CHAT: variants seen among roughly 807,000 people sequenced by gnomAD.
CHAT encodes the protein choline O-acetyltransferase, also known as acetyl CoA:choline O-acetyltransferase.
In CHAT, 61 loss-of-function variants were observed where a neutral mutation model predicts 76.9. The observed-to-expected ratio is 0.79, with a 90% CI of 0.65 to 0.98. CHAT has a LOEUF of 0.98. CHAT is among the 50% of genes least tolerant of loss of function. The pLI is 0.00. For synonymous variants in CHAT, 407 were observed against 397.4 expected (o/e 1.02, Z -0.29); for missense variants, 946 against 986.9 (o/e 0.96, Z 0.56).
At chr10:49,647,011 T>C in intron 8 of CHAT, 1 of 413,628 alleles carries the variant, frequency 2.4e-6, no homozygotes, top group Non-Finnish European at 4.5e-6. Flanking sequence ...ACCTGTGAGG[T>C]GGGGGTGTGC....
At chr10:49,644,481 G>A (rs7903612) in intron 7 of CHAT, among the ~76,000 whole-genome samples, 1 of 152,048 alleles carries the variant, frequency 6.6e-6, no homozygotes, top group African/African-American at 2.4e-5. Flanking sequence ...GATCCTCAGG[G>A]CATGGCCGGA....
intron 5 of CHAT, among the ~76,000 whole-genome samples, chr10:49,622,405 A>C (rs890709900): frequency 2.5e-4 from 38 of 152,170 alleles, no homozygotes; most frequent in African/African-American, 9.2e-4. Context: ...CCCTCCACAC[A>C]TACGTGCACA....
intron 2 of CHAT, among the ~76,000 whole-genome samples, chr10:49,619,164 C>T (rs575297412): frequency 6.6e-6 from 1 of 152,312 alleles, no homozygotes; most frequent in East Asian, 1.9e-4. Flanking sequence ...ATCTTTTATC[C>T]TTCCAAATCT....
upstream of CHAT, chr10:49,611,068 G>A (rs568658869): frequency 3.1e-6 from 5 of 1,614,080 alleles, no homozygotes; most frequent in East Asian, 8.9e-5. Flanking sequence ...AGCGGGCTCA[G>A]CCCTTCGGCC....
chr10:49,622,148 C>T lies in CHAT; in HGVS notation c.750C>T (p.Asp250=). 6.2e-7 allele frequency: 1 copy of T among 1,613,860 alleles called. No homozygotes were observed. The highest frequency in any genetic ancestry group is 1.7e-5 in the Admixed American group (1 of 60,012). The part of the protein sequence containing the change: ...SGVLSYKALL[D]SHSIPTDCAK... ...TACTCAGCTACAAGGCCCTGCTGGACAGGTAGGACTGGGAGGGTGGTGCCC... is the reference window on the plus strand; with the variant it reads ...TACTCAGCTACAAGGCCCTGCTGGATAGGTAGGACTGGGAGGGTGGTGCCC... The change falls in exon 5 of 15, where the codon GAC becomes GAT. Residue 250 remains aspartate (D), a splice_region_variant and synonymous_variant. Coordinates refer to ENST00000337653, the MANE Select transcript of CHAT (RefSeq NM_020549.5).
rs1590554659 is a variant in CHAT, at chr10:49,616,192, CAGCA to C, written c.287-308_287-305del. The C allele has an allele frequency of 3.3e-6, 4 of 1,204,546 alleles. No individual in the cohort carries two copies. In the East Asian group the frequency reaches 9.3e-5, roughly 28 times the overall value. 74.6% of individuals were successfully genotyped at this position (1,204,546 alleles called of 1,614,324 possible). A position where few individuals can be genotyped will look rare whatever the true frequency, so the allele number is the denominator to read the frequency against. ...GGCAGGAACAAAGGCAGCACTCTGC[CAGCA>C]ACCCCTGGTGGATTTGGATTGCCCC... On this transcript the variant is annotated intron_variant, in intron 1 of 14. Coordinates refer to ENST00000337653, the MANE Select transcript of CHAT (RefSeq NM_020549.5).
intron 2 of CHAT, among the ~76,000 whole-genome samples, chr10:49,618,044 G>C (rs1838563596): frequency 6.6e-6 from 1 of 152,202 alleles, no homozygotes; most frequent in South Asian, 2.1e-4. Context: ...CTGTCTCATG[G>C]AAACTCATCA....
rs1413727498 is a variant in CHAT, at chr10:49,616,190, G to GA, written c.287-312_287-311insA. On this transcript the variant is annotated intron_variant, in intron 1 of 14. Transcript: ENST00000337653. The stretch of plus-strand genomic sequence containing the variant: ...CAGGCAGGAACAAAGGCAGCACTCT[G>GA]CCAGCAACCCCTGGTGGATTTGGAT... The GA allele has an allele frequency of 3.3e-6, 4 of 1,215,982 alleles. No homozygotes were observed. In the East Asian group the frequency reaches 9.3e-5, roughly 28 times the overall value. 75.3% of individuals were successfully genotyped at this position (1,215,982 alleles called of 1,614,324 possible).
intron 13 of CHAT, among the ~76,000 whole-genome samples, chr10:49,661,858 C>T (rs932289322): frequency 2.0e-5 from 3 of 152,178 alleles, no homozygotes; most frequent in African/African-American, 4.8e-5. Flanking sequence ...CCTCACCCTC[C>T]GTGAACCCCT....
upstream of CHAT, chr10:49,611,420 T>C (rs758934192): frequency 3.9e-5 from 63 of 1,597,842 alleles, no homozygotes; most frequent in Middle Eastern, 3.3e-4. Flanking sequence ...GGAAGCCTAG[T>C]GGCCCCGCCC....
chr10:49,651,095 A>C (rs1229225010), intron 10 of CHAT, among the ~76,000 whole-genome samples: 2 of 151,906 alleles, frequency 1.3e-5, no homozygotes, highest in Non-Finnish European at 1.5e-5. Flanking sequence ...GGGCCCATAC[A>C]AGTGGGTGAG....
intron 7 of CHAT, among the ~76,000 whole-genome samples, chr10:49,641,702 CT>C (rs1269175454): frequency 1.3e-5 from 2 of 152,146 alleles, no homozygotes; most frequent in Non-Finnish European, 2.9e-5. Context: ...TTAAGAAGGT[CT>C]AAGCCCCTGA....
intron 9 of CHAT, 130 bp downstream of exon 9, chr10:49,648,737 AC>A: frequency 1.5e-6 from 1 of 659,824 alleles, no homozygotes; most frequent in Admixed American, 2.2e-5. Flanking sequence ...ACACACACAC[AC>A]ACACACACAC....
At chr10:49,654,706 A>C (rs1839978883) in intron 11 of CHAT, among the ~76,000 whole-genome samples, 4 of 152,234 alleles carry the variant, frequency 2.6e-5, no homozygotes, top group Admixed American at 2.6e-4. Flanking sequence ...GAATCAGTTT[A>C]AATAAAACAG....
At chr10:49,658,302 G>T (rs1022917777) in intron 13 of CHAT, among the ~76,000 whole-genome samples, 1 of 151,958 alleles carries the variant, frequency 6.6e-6, no homozygotes, top group East Asian at 1.9e-4. Flanking sequence ...GATCACCTGA[G>T]GTTGGGAGTT....
intron 13 of CHAT, among the ~76,000 whole-genome samples, chr10:49,660,643 A>C (rs1840165895): frequency 6.6e-6 from 1 of 152,188 alleles, no homozygotes; most frequent in Non-Finnish European, 1.5e-5. Context: ...CTTTTGGTTT[A>C]TTTGGATTTC....
Position 49,664,893 on chromosome 10 carries a change from C to T in CHAT, c.2094C>T (p.Ser698=). The part of the protein sequence containing the change: ...TILFCISSFH[S]CKETSSSKFA... The stretch of plus-strand genomic sequence containing the variant: ...TTTTCTGCATCTCTAGCTTTCACAG[C>T]TGCAAAGAGACTTCTTCTAGCAAGT... The change falls in exon 15 of 15, where the codon AGC becomes AGT. Residue 698 remains serine, a synonymous_variant. Coordinates refer to ENST00000337653, the MANE Select transcript of CHAT (RefSeq NM_020549.5). The T allele has an allele frequency of 6.2e-7, 1 of 1,614,236 alleles. No homozygotes were observed. The highest frequency in any genetic ancestry group is 1.6e-4 in the Middle Eastern group (1 of 6,062).
chr10:49,646,446 G>A (rs1839664711), intron 7 of CHAT, 59 bp from the exon 8 acceptor site: 5 of 1,601,436 alleles, frequency 3.1e-6, no homozygotes, highest in Non-Finnish European at 3.4e-6. Context: ...GGGGCTCTGA[G>A]GAGGGAAGAC....
At chr10:49,629,429 G>A (rs141667524) in intron 7 of CHAT, among the ~76,000 whole-genome samples, 1 of 152,322 alleles carries the variant, frequency 6.6e-6, no homozygotes, top group East Asian at 1.9e-4. Context: ...TCGTGCTGGA[G>A]AATTAATAAC....
Sources: allele counts gnomAD v4.1 joint callset (sites outside exome capture counted in the v4.1 genomes callset), GRCh38; gene constraint gnomAD v4.1.1; transcripts MANE v1.5; gene names NCBI Gene and HGNC (gene_info 2026-07-23, HGNC 2026-07-21).